TTC7B: variants seen among roughly 807,000 people sequenced by gnomAD.
The protein encoded by TTC7B is tetratricopeptide repeat domain 7B, also known as tetratricopeptide repeat protein 7B.
Under a neutral mutation model 106.8 loss-of-function variants are expected in TTC7B, and 28 were observed. The observed-to-expected ratio is 0.26, with a 90% CI of 0.19 to 0.36. The LOEUF is 0.36. Ranked by LOEUF, TTC7B falls within the 10% of genes least tolerant of loss-of-function variation. The pLI, the probability that TTC7B is intolerant of heterozygous loss-of-function variation, is 1.00. For missense variants in TTC7B, 862 were observed against 1,076.4 expected (o/e 0.80, Z 2.79); for synonymous variants, 405 against 430.6 (o/e 0.94, Z 0.74).
Position 90,534,334 on chromosome 14 carries a change from AT to A in TTC7B, c.*7033del. ...AAGGCTCAGCCCTGGGGCTCGGCCC[AT>A]TTTCCTGTGTGGGGTCCTCAGGCCC... On this transcript the variant is annotated 3_prime_UTR_variant, in exon 20 of 20. Transcript: ENST00000328459. 1 of 152,030 alleles carries A rather than the reference AT, an allele frequency of 6.6e-6. No individual in the cohort carries two copies. Among genetic ancestry groups the A allele is most frequent in the Non-Finnish European group, 1.5e-5 (1 of 68,046 alleles). 9.4% of individuals were successfully genotyped at this position (152,030 alleles called of 1,614,324 possible). A position where few individuals can be genotyped will look rare whatever the true frequency, so the allele number is the denominator to read the frequency against.
chr14:90,617,299 T>C (rs1893124412), intron 16 of TTC7B, among the ~76,000 whole-genome samples: 1 of 146,836 alleles, frequency 6.8e-6, no homozygotes, highest in South Asian at 2.2e-4. Flanking sequence ...TATAGGATGT[T>C]GTTTTTGTAT....
At chr14:90,749,391 T>C (rs1025391793) in intron 3 of TTC7B, among the ~76,000 whole-genome samples, 9 of 140,286 alleles carry the variant, frequency 6.4e-5, no homozygotes, top group Admixed American at 4.7e-4. Context: ...ACTTAAAATA[T>C]AATAATTTTT....
chr14:90,625,598 C>T (rs1328575971), intron 15 of TTC7B, among the ~76,000 whole-genome samples: 1 of 152,210 alleles, frequency 6.6e-6, no homozygotes, highest in Non-Finnish European at 1.5e-5. Context: ...CCAGGTGAGC[C>T]TATGATGCTG....
At chr14:90,635,918 G>A (rs1884921063) in intron 15 of TTC7B, among the ~76,000 whole-genome samples, 3 of 151,818 alleles carry the variant, frequency 2.0e-5, no homozygotes, top group African/African-American at 4.8e-5. Flanking sequence ...TCAGGAGTTC[G>A]AGACCAGCCT....
At chr14:90,670,963 G>C (rs1355901329) in intron 9 of TTC7B, among the ~76,000 whole-genome samples, 3 of 152,160 alleles carry the variant, frequency 2.0e-5, no homozygotes, top group Admixed American at 6.5e-5. Context: ...GGCAGGATGA[G>C]GGTGCACACT....
intron 7 of TTC7B, among the ~76,000 whole-genome samples, chr14:90,682,972 A>G (rs1595277811): frequency 6.6e-6 from 1 of 152,356 alleles, no homozygotes; most frequent in East Asian, 1.9e-4. Flanking sequence ...GAGAATTCTC[A>G]GGTATAAGTA....
At chr14:90,616,446 C>T (rs911808366) in intron 16 of TTC7B, among the ~76,000 whole-genome samples, 8 of 144,500 alleles carry the variant, frequency 5.5e-5, no homozygotes, top group Non-Finnish European at 9.1e-5. Context: ...AAGCGAAGGG[C>T]GGGTGCGCCC....
chr14:90,536,137 AC>A lies in TTC7B; in HGVS notation c.*5230del, dbSNP rs1031953243. ...CAGGCCCACGGTCAGCTCTCAGGCC[AC>A]CCTGACGGGGTCTCCAGGCATTGAG... On this transcript the variant is annotated 3_prime_UTR_variant, in exon 20 of 20. Coordinates refer to ENST00000328459, the MANE Select transcript of TTC7B (RefSeq NM_001010854.2). The A allele has an allele frequency of 6.5e-6, 1 of 154,174 alleles. No individual in the cohort carries two copies. The highest frequency in any genetic ancestry group is 2.4e-5 in the African/African-American group (1 of 41,418). The allele number at this position is 154,174 out of a possible 1,614,324, so 9.6% of individuals were successfully genotyped here. A position where few individuals can be genotyped will look rare whatever the true frequency, so the allele number is the denominator to read the frequency against.
intron 19 of TTC7B, among the ~76,000 whole-genome samples, chr14:90,573,319 G>C (rs79664283): frequency 6.6e-6 from 1 of 152,028 alleles, no homozygotes; most frequent in Admixed American, 6.5e-5. Context: ...CTGCTGTCCC[G>C]ATGCTCTTTC....
chr14:90,682,344 C>G (rs1317002598), intron 7 of TTC7B, among the ~76,000 whole-genome samples: 1 of 152,152 alleles, frequency 6.6e-6, no homozygotes, highest in Admixed American at 6.5e-5. Flanking sequence ...CTTCCTCTAC[C>G]CTCCCTATTT....
At chr14:90,738,921 A>T (rs1450115122) in intron 4 of TTC7B, among the ~76,000 whole-genome samples, 7 of 152,148 alleles carry the variant, frequency 4.6e-5, no homozygotes, top group Non-Finnish European at 1.0e-4. Context: ...GCTACTTGGG[A>T]GGCTGAGGTA....
intron 9 of TTC7B, among the ~76,000 whole-genome samples, chr14:90,674,519 G>A (rs536591348): frequency 1.9e-4 from 29 of 152,340 alleles, no homozygotes; most frequent in East Asian, 5.8e-4. Flanking sequence ...GCCCGCCCCC[G>A]TCAGCACATG....
At chr14:90,726,988 C>T (rs946383454) in intron 5 of TTC7B, among the ~76,000 whole-genome samples, 2 of 150,354 alleles carry the variant, frequency 1.3e-5, no homozygotes, top group Non-Finnish European at 2.9e-5. Context: ...TCTCCTGCCT[C>T]ATAAGGAAAG....
chr14:90,788,393 T>C (rs1364751533), intron 1 of TTC7B, among the ~76,000 whole-genome samples: 2 of 152,130 alleles, frequency 1.3e-5, no homozygotes, highest in African/African-American at 4.8e-5. Context: ...ACGAAGGACA[T>C]GTAGGCAAAG....
intron 19 of TTC7B, among the ~76,000 whole-genome samples, chr14:90,548,183 G>T (rs542849042): frequency 7.7e-4 from 118 of 152,368 alleles, no homozygotes; most frequent in African/African-American, 2.8e-3. Context: ...AGTGCAGAGA[G>T]CAGTGAGCTG....
chr14:90,781,032 T>C (rs1285611862), intron 2 of TTC7B, 126 bp from the exon 3 acceptor site: 2 of 808,218 alleles, frequency 2.5e-6, no homozygotes, highest in Non-Finnish European at 2.0e-6. Context: ...GACGTGAATG[T>C]TCTGAGCAGT....
At chr14:90,746,104 A>G (rs1280415858) in intron 3 of TTC7B, among the ~76,000 whole-genome samples, 2 of 152,224 alleles carry the variant, frequency 1.3e-5, no homozygotes, top group Non-Finnish European at 2.9e-5. Flanking sequence ...ACCTCATAAA[A>G]TGAGAAATAT....
chr14:90,662,419 A>C (rs74876590), intron 9 of TTC7B, among the ~76,000 whole-genome samples: 5,592 of 152,316 alleles, frequency 0.037, 141 homozygotes, highest in Non-Finnish European at 0.055. Flanking sequence ...CTGCTTAACA[A>C]GTCCGGTTCC....
At chr14:90,639,697 G>A (rs1318683012) in intron 15 of TTC7B, among the ~76,000 whole-genome samples, 2 of 152,170 alleles carry the variant, frequency 1.3e-5, no homozygotes, top group Admixed American at 6.5e-5. Context: ...ATCCTTGAAC[G>A]TGTGCACCAG....
Sources: allele counts gnomAD v4.1 joint callset (sites outside exome capture counted in the v4.1 genomes callset), GRCh38; gene constraint gnomAD v4.1.1; transcripts MANE v1.5; gene names NCBI Gene and HGNC (gene_info 2026-07-23, HGNC 2026-07-21).